Variants in ADAM9 observed in about 807,000 individuals in gnomAD.
ADAM9 encodes the protein ADAM metallopeptidase domain 9.
ADAM9 carries 54 observed loss-of-function variants against 108.1 expected under a neutral mutation model. The ratio of observed to expected loss-of-function variants is 0.50; its 90% CI spans 0.40 to 0.63. The LOEUF (loss-of-function observed/expected upper bound fraction) is 0.63. Among genes scored for constraint, ADAM9 ranks in the 20% least tolerant of loss-of-function variants. ADAM9 has a pLI of 0.00. For synonymous variants in ADAM9, 316 were observed against 336.0 expected, an observed-to-expected ratio of 0.94 and a Z score of 0.65; for missense variants, 830 against 997.7, an observed-to-expected ratio of 0.83 and a Z score of 2.26.
rs1836796640 is a variant in ADAM9 at position 39,023,012 on chromosome 8, C to A, written c.745-144C>A. On this transcript the variant is annotated intron_variant, in intron 8 of 21. Coordinates refer to ENST00000487273, the MANE Select transcript of ADAM9 (RefSeq NM_003816.3). The stretch of plus-strand genomic sequence containing the variant: ...ACAGGCGTGAGCCACTGCGCCCCGC[C>A]CAAAGTCTCATTGTATTAAAGGAAA... The A allele has an allele frequency of 4.0e-6, 3 of 747,112 alleles. No individual in the cohort carries two copies. In the Admixed American group the frequency reaches 8.6e-5, roughly 22 times the overall value. 46.3% of individuals were successfully genotyped at this position (747,112 alleles called of 1,614,324 possible).
At chr8:39,032,552 C>T (rs1219451178) in intron 11 of ADAM9, among the ~76,000 whole-genome samples, 1 of 152,214 alleles carries the variant, frequency 6.6e-6, no homozygotes, top group African/African-American at 2.4e-5. Flanking sequence ...TGGGGTTGTC[C>T]CAATTTTCCA....
At chr8:39,060,138 T>G (rs1337063188) in intron 14 of ADAM9, among the ~76,000 whole-genome samples, 1 of 152,218 alleles carries the variant, frequency 6.6e-6, no homozygotes, top group East Asian at 1.9e-4. Context: ...ATTTCTACTT[T>G]AAGGCCCAGT....
intron 1 of ADAM9, among the ~76,000 whole-genome samples, chr8:39,003,428 A>G (rs902664248): frequency 6.6e-6 from 1 of 151,194 alleles, no homozygotes; most frequent in Non-Finnish European, 1.5e-5. Context: ...CTTTTTTTAT[A>G]TTAATGTGGA....
intron 18 of ADAM9, among the ~76,000 whole-genome samples, chr8:39,088,136 G>A (rs907609770): frequency 1.3e-5 from 2 of 152,064 alleles, no homozygotes; most frequent in Non-Finnish European, 2.9e-5. Context: ...GGAGAGGTTG[G>A]TCTCAGGGGT....
At chr8:39,084,919 A>G (rs991743005) in intron 18 of ADAM9, among the ~76,000 whole-genome samples, 1 of 152,042 alleles carries the variant, frequency 6.6e-6, no homozygotes, top group African/African-American at 2.4e-5. Context: ...CCTCTTTGTA[A>G]ATTGACTCTT....
Position 39,021,677 on chromosome 8 carries a change from G to C in ADAM9, c.707G>C (p.Arg236Thr), listed in dbSNP as rs747846918. The stretch of plus-strand genomic sequence containing the variant: ...ATGGGAAGAAATCAGACTGCTGTGA[G>C]AGAAGAGATGATTCTCCTGGCAAAC... ...DMMGRNQTAVREEMILLANYL... is the reference protein window; with the variant it reads ...DMMGRNQTAVTEEMILLANYL... Residue 236 changes from arginine (R) to threonine (T), a missense_variant, in exon 8 of 22, where the codon AGA becomes ACA. Around this residue, in one of 3 missense-constraint regions of ADAM9, gnomAD observed 381 missense variants for 539.8 expected, o/e 0.71. Transcript: ENST00000487273. The C allele has an allele frequency of 1.6e-5, 26 of 1,614,090 alleles. No homozygotes were observed. The South Asian group carries it at 2.5e-4, about 16-fold the overall frequency.
At chr8:39,027,895 C>G (rs1055645032) in intron 11 of ADAM9, among the ~76,000 whole-genome samples, 1 of 151,484 alleles carries the variant, frequency 6.6e-6, no homozygotes, top group Non-Finnish European at 1.5e-5. Flanking sequence ...ACGGTGAGAC[C>G]CTGTCTCTAA....
At chr8:39,039,474 T>C (rs1837389744) in intron 11 of ADAM9, among the ~76,000 whole-genome samples, 1 of 152,206 alleles carries the variant, frequency 6.6e-6, no homozygotes, top group Non-Finnish European at 1.5e-5. Flanking sequence ...TTATCTATAG[T>C]CCTCATGCTG....
chr8:39,049,070 T>A (rs954561363), intron 12 of ADAM9, among the ~76,000 whole-genome samples: 4 of 151,604 alleles, frequency 2.6e-5, no homozygotes, highest in Non-Finnish European at 4.4e-5. Flanking sequence ...TATTTACATT[T>A]AAAGTAATTC....
At chr8:39,032,889 A>T (rs1170193654) in intron 11 of ADAM9, among the ~76,000 whole-genome samples, 1 of 152,188 alleles carries the variant, frequency 6.6e-6, no homozygotes, top group Non-Finnish European at 1.5e-5. Flanking sequence ...CTTCTTCTTT[A>T]CTATTATATT....
chr8:39,103,603 G>T lies in ADAM9; in HGVS notation c.2367-4G>T, dbSNP rs1046456218. ...TCTATTAACTATCTCTTTTCCCCTC[G>T]CAGGCCACCTCCACCACAACCGAAA... On this transcript the variant is annotated splice_polypyrimidine_tract_variant and splice_region_variant and intron_variant, in intron 21 of 21. Coordinates refer to ENST00000487273, the MANE Select transcript of ADAM9 (RefSeq NM_003816.3). 1.3e-5 allele frequency: 21 copies of T among 1,613,522 alleles called. No homozygotes were observed. The highest frequency in any genetic ancestry group is 1.7e-5 in the Non-Finnish European group (20 of 1,179,794).
At position 39,095,679 on chromosome 8, in the gene ADAM9, T is replaced by G. The variant is rs147069761; in HGVS notation, c.2298+4333T>G. On this transcript the variant is annotated intron_variant, in intron 20 of 21. Transcript: ENST00000487273. The stretch of plus-strand genomic sequence containing the variant: ...TTTGAGCCAAATGTTTTCTTACTGA[T>G]TTGTTGTCTGGATGACCTATCTGTT... Among the ~76,000 whole-genome samples, 21 of 152,308 alleles carry G rather than the reference T, an allele frequency of 1.4e-4. No homozygotes were observed. In the East Asian group the frequency reaches 4.0e-3, roughly 29 times the overall value.
intron 1 of ADAM9, among the ~76,000 whole-genome samples, chr8:39,003,486 A>T (rs77326751): frequency 2.5e-3 from 14 of 5,522 alleles, no homozygotes; most frequent in South Asian, 0.02. Context: ...TTTGGAATTT[A>T]AAAAAAAAAA....
rs1280603903 is a variant in ADAM9 at position 39,072,580 on chromosome 8, C to CT, written c.1697+1178dup. Among the ~76,000 whole-genome samples, 14 of 152,330 alleles carry CT rather than the reference C, an allele frequency of 9.2e-5. 1 individual carries two copies. The highest frequency in any genetic ancestry group is 7.8e-4 in the Admixed American group (12 of 15,308). ...TTCCGTGGCTTCATTTGCCTCCTCT[C>CT]TGAGAAGCTCCAGCCCTGCTGGCCT... On this transcript the variant is annotated intron_variant, in intron 15 of 21. Transcript: ENST00000487273.
At chr8:39,007,603 G>T (rs1455227551) in intron 1 of ADAM9, among the ~76,000 whole-genome samples, 1 of 152,164 alleles carries the variant, frequency 6.6e-6, no homozygotes, top group Admixed American at 6.5e-5. Flanking sequence ...AGGGTTTATA[G>T]CTAAAAATGT....
intron 12 of ADAM9, among the ~76,000 whole-genome samples, chr8:39,045,718 T>C (rs1837748551): frequency 6.6e-6 from 1 of 152,126 alleles, no homozygotes; most frequent in Admixed American, 6.5e-5. Context: ...TATTTTCCTC[T>C]GGGTAGATAC....
chr8:39,089,203 C>T (rs1004152982), intron 18 of ADAM9, among the ~76,000 whole-genome samples: 3 of 151,966 alleles, frequency 2.0e-5, no homozygotes, highest in East Asian at 1.9e-4. Flanking sequence ...GAGTGGAGAT[C>T]GTGCCATTGC....
intron 15 of ADAM9, among the ~76,000 whole-genome samples, chr8:39,071,829 T>G (rs1229548216): frequency 5.9e-5 from 9 of 152,170 alleles, no homozygotes; most frequent in African/African-American, 2.2e-4. Flanking sequence ...AATACCTAAC[T>G]TTTCAAACAT....
At chr8:39,066,621 G>T (rs545923449) in intron 14 of ADAM9, among the ~76,000 whole-genome samples, 7 of 152,280 alleles carry the variant, frequency 4.6e-5, no homozygotes, top group Admixed American at 4.6e-4. Context: ...TTGTAAATTT[G>T]TTTGAGTTCT....
Sources: gnomAD v4.1 joint callset for allele counts (sites outside exome capture counted in the v4.1 genomes callset) on GRCh38, gnomAD v4.1.1 for gene constraint, gnomAD v4.1.1 regional missense constraint, MANE v1.5 for transcripts, NCBI Gene and HGNC (gene_info 2026-07-23, HGNC 2026-07-21) for gene names.